The following NOS1AP variants were observed in gnomAD, a reference collection of about 807,000 sequenced individuals.
The protein encoded by NOS1AP is carboxyl-terminal PDZ ligand of neuronal nitric oxide synthase protein.
Under a neutral mutation model 56.2 loss-of-function variants are expected in NOS1AP, and 21 were observed. The ratio of observed to expected loss-of-function variants is 0.37; its 90% confidence interval spans 0.26 to 0.54. The LOEUF is 0.54. Among genes scored for constraint, NOS1AP ranks in the 20% least tolerant of loss-of-function variants. NOS1AP has a pLI of 0.84. For synonymous variants in NOS1AP, 270 were observed against 274.6 expected (o/e 0.98, Z 0.17); for missense variants, 522 against 657.8 (o/e 0.79, Z 2.26).
chr1:162,144,871 G>A (rs1649393083), intron 1 of NOS1AP, among the ~76,000 whole-genome samples: 1 of 152,160 alleles, frequency 6.6e-6, no homozygotes, highest in African/African-American at 2.4e-5. Context: ...TTTTGCTAAT[G>A]GAGACTAAAA....
At chr1:162,266,473 A>G (rs1221068623) in intron 2 of NOS1AP, among the ~76,000 whole-genome samples, 1 of 152,218 alleles carries the variant, frequency 6.6e-6, no homozygotes, top group African/African-American at 2.4e-5. Context: ...ATCGCCTGGT[A>G]AGAAAATTCT....
At chr1:162,091,010 G>A (rs570126577) in intron 1 of NOS1AP, among the ~76,000 whole-genome samples, 1 of 152,180 alleles carries the variant, frequency 6.6e-6, no homozygotes, top group East Asian at 1.9e-4. Flanking sequence ...AAAAAGGAGG[G>A]TTGGTTTGGT....
At chr1:162,357,766 C>T (rs1485889343) in intron 8 of NOS1AP, among the ~76,000 whole-genome samples, 2 of 151,944 alleles carry the variant, frequency 1.3e-5, no homozygotes, top group Admixed American at 6.6e-5. Context: ...GGTGTTTGTA[C>T]CCCAAAAAAC....
intron 1 of NOS1AP, among the ~76,000 whole-genome samples, chr1:162,105,733 C>T (rs988662750): frequency 1.3e-5 from 2 of 152,156 alleles, no homozygotes; most frequent in African/African-American, 2.4e-5. Context: ...TTCTCTGGAC[C>T]GCCTGTATTC....
At chr1:162,148,506 A>C (rs1007975540) in intron 1 of NOS1AP, among the ~76,000 whole-genome samples, 5 of 152,196 alleles carry the variant, frequency 3.3e-5, no homozygotes, top group Admixed American at 3.3e-4. Context: ...GAGTGGGTAG[A>C]AGAGTATTCT....
intron 2 of NOS1AP, among the ~76,000 whole-genome samples, chr1:162,226,794 C>T (rs1156430801): frequency 6.6e-6 from 1 of 152,186 alleles, no homozygotes; most frequent in Admixed American, 6.5e-5. Context: ...TCCCCATTAG[C>T]ACTTTGTGTC....
intron 1 of NOS1AP, among the ~76,000 whole-genome samples, chr1:162,152,867 C>A (rs1649776254): frequency 6.6e-6 from 1 of 152,168 alleles, no homozygotes; most frequent in Admixed American, 6.5e-5. Flanking sequence ...ACAGATGTCG[C>A]AGTCTTATCT....
intron 1 of NOS1AP, among the ~76,000 whole-genome samples, chr1:162,110,485 A>G (rs1489794366): frequency 6.6e-6 from 1 of 152,188 alleles, no homozygotes; most frequent in East Asian, 1.9e-4. Context: ...GTTATCAGTG[A>G]TGGAATGGCT....
intron 1 of NOS1AP, among the ~76,000 whole-genome samples, chr1:162,100,551 A>G (rs971485463): frequency 3.9e-5 from 6 of 152,144 alleles, no homozygotes; most frequent in Admixed American, 1.3e-4. Context: ...TCAGATGAGT[A>G]GGTTGCAAAA....
At chr1:162,271,227 A>G (rs928354262) in intron 2 of NOS1AP, among the ~76,000 whole-genome samples, 1 of 137,940 alleles carries the variant, frequency 7.2e-6, no homozygotes, top group Non-Finnish European at 1.6e-5. Flanking sequence ...CAGTGATGGC[A>G]CCCCCAACCC....
intron 1 of NOS1AP, among the ~76,000 whole-genome samples, chr1:162,127,214 T>C (rs1017561343): frequency 6.6e-6 from 1 of 152,182 alleles, no homozygotes; most frequent in Non-Finnish European, 1.5e-5. Context: ...TTCTACTTTG[T>C]CATTTGTCTT....
At chr1:162,353,136 A>T (rs1399841640) in intron 6 of NOS1AP, among the ~76,000 whole-genome samples, 1 of 150,990 alleles carries the variant, frequency 6.6e-6, no homozygotes, top group Non-Finnish European at 1.5e-5. Flanking sequence ...TCTTCACTCA[A>T]GCCCTCATAT....
intron 2 of NOS1AP, among the ~76,000 whole-genome samples, chr1:162,202,718 T>C (rs1324880687): frequency 6.6e-6 from 1 of 152,244 alleles, no homozygotes; most frequent in Non-Finnish European, 1.5e-5. Context: ...TGTTGAGATA[T>C]ATATGTATAT....
At chr1:162,092,071 T>A (rs1297895109) in intron 1 of NOS1AP, among the ~76,000 whole-genome samples, 1 of 152,162 alleles carries the variant, frequency 6.6e-6, no homozygotes, top group African/African-American at 2.4e-5. Context: ...AGTTCAAGGC[T>A]GTGGATCCAA....
chr1:162,080,506 G>T (rs1691862058), intron 1 of NOS1AP, among the ~76,000 whole-genome samples: 1 of 152,142 alleles, frequency 6.6e-6, no homozygotes, highest in South Asian at 2.1e-4. Flanking sequence ...TTGGGAGTAA[G>T]GGGGTGACCA....
intron 2 of NOS1AP, among the ~76,000 whole-genome samples, chr1:162,268,195 G>T (rs1335351642): frequency 2.6e-5 from 4 of 151,664 alleles, no homozygotes; most frequent in Admixed American, 1.3e-4. Flanking sequence ...GGAGGCAAAG[G>T]TTGCGGTAAG....
chr1:162,249,402 CGAA>C (rs1653777993), intron 2 of NOS1AP, among the ~76,000 whole-genome samples: 1 of 152,064 alleles, frequency 6.6e-6, no homozygotes, highest in African/African-American at 2.4e-5. Flanking sequence ...AGTATGGTCA[CGAA>C]GAGAATCCTG....
chr1:162,313,866 G>A (rs1656140958), intron 4 of NOS1AP, among the ~76,000 whole-genome samples: 1 of 152,126 alleles, frequency 6.6e-6, no homozygotes, highest in Non-Finnish European at 1.5e-5. Flanking sequence ...TTCTGCCTCT[G>A]CTGGCCTCCC....
At chr1:162,200,655 T>C (rs1651964369) in intron 2 of NOS1AP, among the ~76,000 whole-genome samples, 1 of 152,122 alleles carries the variant, frequency 6.6e-6, no homozygotes, top group Non-Finnish European at 1.5e-5. Flanking sequence ...GAGGAATTCT[T>C]TGGAGAATAT....
Sources: gnomAD v4.1 joint callset for allele counts (sites outside exome capture counted in the v4.1 genomes callset) on GRCh38, gnomAD v4.1.1 for gene constraint, MANE v1.5 for transcripts, NCBI Gene and HGNC (gene_info 2026-07-23, HGNC 2026-07-21) for gene names.